The following LHPP variants were observed in gnomAD, a reference collection of about 807,000 sequenced individuals.
The protein encoded by LHPP is hLHPP.
LHPP carries 24 observed loss-of-function variants against 30.3 expected under a neutral mutation model. The observed-to-expected ratio is 0.79, with a 90% CI of 0.57 to 1.11. LHPP has a LOEUF of 1.11. Ranked by LOEUF, LHPP falls within the 50% of genes most tolerant of loss-of-function variation. The pLI is 0.00. For missense variants in LHPP, 356 were observed against 367.2 expected (o/e 0.97, Z 0.25); for synonymous variants, 150 against 157.1 (o/e 0.95, Z 0.34).
chr10:124,611,016 C>CGGGTGA (rs1207947849), intron 6 of LHPP, among the ~76,000 whole-genome samples: 1 of 95,840 alleles, frequency 1.0e-5, no homozygotes, highest in Non-Finnish European at 2.4e-5. Flanking sequence ...GAAGCGGGTG[C>CGGGTGA]GGGTGAGGGT....
At chr10:124,582,314 C>T (rs917102112) in intron 6 of LHPP, among the ~76,000 whole-genome samples, 2 of 152,074 alleles carry the variant, frequency 1.3e-5, no homozygotes, top group Admixed American at 1.3e-4. Context: ...AAACTCTTAG[C>T]CTCAAGCAAT....
chr10:124,571,907 T>C (rs1948589365), intron 6 of LHPP, among the ~76,000 whole-genome samples: 2 of 152,066 alleles, frequency 1.3e-5, no homozygotes, highest in Non-Finnish European at 2.9e-5. Context: ...TTCAGGTGGG[T>C]CTCATTGAAC....
chr10:124,601,601 C>T (rs1949022345), intron 6 of LHPP, among the ~76,000 whole-genome samples: 1 of 152,272 alleles, frequency 6.6e-6, no homozygotes, highest in Non-Finnish European at 1.5e-5. Context: ...GCGGTGCCCG[C>T]AGTCAGTGGG....
intron 5 of LHPP, among the ~76,000 whole-genome samples, chr10:124,506,265 C>CT (rs1239986095): frequency 1.9e-5 from 2 of 104,098 alleles, no homozygotes; most frequent in African/African-American, 7.6e-5. Flanking sequence ...AACAACAAAC[C>CT]CCCCCCCCAC....
intron 5 of LHPP, among the ~76,000 whole-genome samples, chr10:124,508,105 T>C (rs889081501): frequency 6.6e-6 from 1 of 151,976 alleles, no homozygotes; most frequent in Non-Finnish European, 1.5e-5. Flanking sequence ...GGGGACAGTC[T>C]GTACCCCTAG....
chr10:124,565,009 G>A (rs1306962499), intron 6 of LHPP, among the ~76,000 whole-genome samples: 2 of 152,200 alleles, frequency 1.3e-5, no homozygotes, highest in South Asian at 2.1e-4. Context: ...GGGACTTGGA[G>A]GAAGAGTGGG....
At chr10:124,555,304 G>A (rs1342130822) in intron 6 of LHPP, among the ~76,000 whole-genome samples, 1 of 152,192 alleles carries the variant, frequency 6.6e-6, no homozygotes, top group East Asian at 1.9e-4. Context: ...CCCTTGCCAG[G>A]GCGAGTGAGC....
chr10:124,481,267 T>C (rs772318737), intron 1 of LHPP, among the ~76,000 whole-genome samples: 4 of 152,002 alleles, frequency 2.6e-5, no homozygotes, highest in Non-Finnish European at 5.9e-5. Flanking sequence ...GGAAGGGACA[T>C]TGGCCTGAGT....
chr10:124,573,817 T>C lies in LHPP; in HGVS notation c.717-39447T>C, dbSNP rs538589103. Among the ~76,000 whole-genome samples the C allele has an allele frequency of 5.9e-5, 9 of 152,228 alleles. No homozygotes were observed. The South Asian group carries it at 1.9e-3, about 32-fold the overall frequency. ...GGGCCCCCTAGGCCAGCCCAGTCTC[T>C]TTGCAGCCAAGGAAAGTGAGGCTTA... On this transcript the variant is annotated intron_variant, in intron 6 of 6. Transcript: ENST00000368842.
chr10:124,553,831 G>T, intron 6 of LHPP: 1 of 957,572 alleles, frequency 1.0e-6, no homozygotes, highest in Non-Finnish European at 1.2e-6. Context: ...GACCTCCCCC[G>T]GGCCAGGCCC....
chr10:124,528,675 A>G (rs888352544), intron 6 of LHPP, among the ~76,000 whole-genome samples: 1 of 152,084 alleles, frequency 6.6e-6, no homozygotes, highest in African/African-American at 2.4e-5. Flanking sequence ...ACTGCCTTTA[A>G]AATCTCTATG....
intron 6 of LHPP, among the ~76,000 whole-genome samples, chr10:124,549,008 C>T (rs12251637): frequency 0.1 from 15,913 of 152,262 alleles, 1,114 homozygotes; most frequent in East Asian, 0.26. Flanking sequence ...AAACACTTGA[C>T]ATCTATTAAC....
chr10:124,465,942 GA>G (rs1952541416), intron 1 of LHPP, among the ~76,000 whole-genome samples: 4 of 152,150 alleles, frequency 2.6e-5, no homozygotes, highest in African/African-American at 9.7e-5. Flanking sequence ...AAAAGTTTGA[GA>G]ACACTTTCTC....
intron 1 of LHPP, among the ~76,000 whole-genome samples, chr10:124,472,043 G>C (rs962100913): frequency 1.3e-5 from 2 of 152,134 alleles, no homozygotes; most frequent in Non-Finnish European, 2.9e-5. Context: ...TGGGTGCAGT[G>C]GCTCACGCCT....
intron 6 of LHPP, among the ~76,000 whole-genome samples, chr10:124,587,928 AG>A (rs1948826959): frequency 6.6e-6 from 1 of 152,228 alleles, no homozygotes; most frequent in South Asian, 2.1e-4. Flanking sequence ...GGCCTCTGTA[AG>A]GATGGGGACC....
At chr10:124,501,290 T>A (rs1041864139) in intron 5 of LHPP, among the ~76,000 whole-genome samples, 9 of 151,890 alleles carry the variant, frequency 5.9e-5, no homozygotes, top group South Asian at 2.1e-4. Flanking sequence ...CGAGGTCTCC[T>A]TTTGGGATGA....
chr10:124,514,445 G>A (rs538783345), intron 5 of LHPP, among the ~76,000 whole-genome samples: 1 of 152,306 alleles, frequency 6.6e-6, no homozygotes, highest in East Asian at 1.9e-4. Flanking sequence ...ATTTTGGAAA[G>A]ATATTTTTGC....
chr10:124,585,762 G>C lies in LHPP; in HGVS notation c.717-27502G>C, dbSNP rs141415802. Among the ~76,000 whole-genome samples the C allele has an allele frequency of 1.3e-3, 196 of 152,132 alleles. 1 individual carries two copies. Among genetic ancestry groups the C allele is most frequent in the African/African-American group, 4.3e-3 (179 of 41,484 alleles). On this transcript the variant is annotated intron_variant, in intron 6 of 6. Transcript: ENST00000368842. ...GGACCGAGCAGCAGGGACCATAGGA[G>C]TATGTCACTGTGCCTGGCTAGATGT...
At chr10:124,560,566 C>A (rs1353750253) in intron 6 of LHPP, among the ~76,000 whole-genome samples, 1 of 152,236 alleles carries the variant, frequency 6.6e-6, no homozygotes, top group Non-Finnish European at 1.5e-5. Context: ...TCCTCCCTGT[C>A]AGTACAGCAG....
Sources: gnomAD v4.1 joint callset for allele counts (sites outside exome capture counted in the v4.1 genomes callset) on GRCh38, gnomAD v4.1.1 for gene constraint, MANE v1.5 for transcripts, NCBI Gene and HGNC (gene_info 2026-07-23, HGNC 2026-07-21) for gene names.